Variants in CCDC178 observed in about 807,000 individuals in gnomAD.
The protein encoded by CCDC178 is coiled-coil domain-containing protein 178.
In CCDC178, 126 loss-of-function variants were observed where a neutral mutation model predicts 117.4. The observed-to-expected ratio is 1.07, with a 90% confidence interval of 0.93 to 1.24. The LOEUF is 1.24. Ranked by LOEUF, CCDC178 falls within the 50% of genes most tolerant of loss-of-function variation. The pLI is 0.00. For missense variants in CCDC178, 1,030 were observed against 986.9 expected (o/e 1.04, Z -0.59); for synonymous variants, 283 against 313.4 (o/e 0.90, Z 1.02).
rs571641076 is a variant in CCDC178 at position 33,130,450 on chromosome 18, T to C, written c.2239-37540A>G. Among the ~76,000 whole-genome samples, 12 of 152,110 alleles carry C rather than the reference T, an allele frequency of 7.9e-5. 1 individual carries two copies. In the South Asian group the frequency reaches 2.5e-3, roughly 32 times the overall value. On this transcript the variant is annotated intron_variant, in intron 20 of 22. Coordinates refer to ENST00000383096, the MANE Select transcript of CCDC178 (RefSeq NM_001105528.4). ...AACATTCACAAAAAATCCATGAGTA[T>C]GTAGTATTGTTGTAACTATTTTACA...
intron 6 of CCDC178, among the ~76,000 whole-genome samples, chr18:33,360,776 A>G (rs952288619): frequency 9.2e-5 from 14 of 151,640 alleles, no homozygotes; most frequent in Admixed American, 3.3e-4. Context: ...ATGCCTTGGA[A>G]TAAGTCTAAT....
intron 22 of CCDC178, among the ~76,000 whole-genome samples, chr18:32,942,776 T>A (rs1389414742): frequency 6.6e-6 from 1 of 152,182 alleles, no homozygotes; most frequent in South Asian, 2.1e-4. Context: ...TGCTTCGCAG[T>A]GCACTCTTGC....
intron 21 of CCDC178, among the ~76,000 whole-genome samples, chr18:33,002,731 G>A (rs1461230964): frequency 1.3e-5 from 2 of 149,056 alleles, no homozygotes; most frequent in East Asian, 1.9e-4. Context: ...GAAGGTCAGT[G>A]AAAAAAAAAG....
chr18:33,123,406 T>C (rs2057962554), intron 20 of CCDC178, among the ~76,000 whole-genome samples: 1 of 152,254 alleles, frequency 6.6e-6, no homozygotes, highest in African/African-American at 2.4e-5. Flanking sequence ...CCTTCAAATA[T>C]ACAAATTCAA....
At chr18:33,063,349 G>A (rs1167216701) in intron 21 of CCDC178, among the ~76,000 whole-genome samples, 2 of 152,104 alleles carry the variant, frequency 1.3e-5, no homozygotes, top group Non-Finnish European at 2.9e-5. Context: ...TACCTTCCAG[G>A]GGACTGAGGA....
intron 12 of CCDC178, among the ~76,000 whole-genome samples, chr18:33,281,271 A>C (rs1443704176): frequency 6.6e-6 from 1 of 152,042 alleles, no homozygotes; most frequent in East Asian, 1.9e-4. Flanking sequence ...CATTTCACTG[A>C]AATCAATTAT....
chr18:33,239,586 C>T (rs2059462746), intron 15 of CCDC178, among the ~76,000 whole-genome samples: 1 of 149,926 alleles, frequency 6.7e-6, no homozygotes, highest in Admixed American at 6.6e-5. Flanking sequence ...AATCAGACTT[C>T]AAATGAAAAA....
At chr18:32,967,240 C>T (rs1032735943) in intron 22 of CCDC178, among the ~76,000 whole-genome samples, 5 of 151,298 alleles carry the variant, frequency 3.3e-5, no homozygotes, top group South Asian at 2.1e-4. Flanking sequence ...ATATGTGATG[C>T]TCTTTTTTTT....
At chr18:33,328,083 ATTTTTTTTTTTT>A (rs771034112) in intron 10 of CCDC178, 6 of 100,686 alleles carry the variant, frequency 6.0e-5, no homozygotes, top group Non-Finnish European at 9.9e-5. Flanking sequence ...TTATCCCTAG[ATTTTTTTTTTTT>A]TTTTTTTTTT....
intron 20 of CCDC178, among the ~76,000 whole-genome samples, chr18:33,127,409 G>T (rs1472305755): frequency 1.3e-5 from 2 of 151,946 alleles, no homozygotes; most frequent in African/African-American, 4.8e-5. Flanking sequence ...CCCATAAATA[G>T]CTTCATATTT....
chr18:33,245,517 T>A, intron 14 of CCDC178, 89 bp from the exon 15 acceptor site: 1 of 1,227,258 alleles, frequency 8.1e-7, no homozygotes, highest in South Asian at 2.4e-5. Context: ...GATCATATTT[T>A]ATGTTGTCAA....
chr18:33,322,109 T>C (rs192283628), intron 11 of CCDC178, among the ~76,000 whole-genome samples: 26 of 151,960 alleles, frequency 1.7e-4, no homozygotes, highest in Non-Finnish European at 2.8e-4. Flanking sequence ...CCTGAGAATA[T>C]AGCCTCAAAA....
chr18:33,240,482 GA>G (rs1022497385), intron 15 of CCDC178, among the ~76,000 whole-genome samples: 4 of 150,940 alleles, frequency 2.7e-5, no homozygotes, highest in Non-Finnish European at 4.4e-5. Flanking sequence ...GCTAGACTAA[GA>G]AAAAAAGAGA....
chr18:33,006,599 G>GA (rs1489627071), intron 21 of CCDC178, among the ~76,000 whole-genome samples: 1 of 152,006 alleles, frequency 6.6e-6, no homozygotes, highest in Admixed American at 6.6e-5. Context: ...AATCCTTGTA[G>GA]AATCCCTTCT....
At chr18:33,016,208 GAAT>G (rs1319254576) in intron 21 of CCDC178, among the ~76,000 whole-genome samples, 1 of 151,958 alleles carries the variant, frequency 6.6e-6, no homozygotes, top group African/African-American at 2.4e-5. Flanking sequence ...ATGAAGGCCT[GAAT>G]AATGATATAT....
intron 21 of CCDC178, among the ~76,000 whole-genome samples, chr18:33,048,696 T>A (rs2056690303): frequency 6.6e-6 from 1 of 152,162 alleles, no homozygotes; most frequent in African/African-American, 2.4e-5. Context: ...TCTGTTTGTA[T>A]CTTAGGGGAA....
chr18:33,056,541 G>C (rs908229131), intron 21 of CCDC178, among the ~76,000 whole-genome samples: 2 of 151,996 alleles, frequency 1.3e-5, no homozygotes, highest in African/African-American at 2.4e-5. Context: ...TGGAAGATGG[G>C]GAAAATGGAA....
At chr18:32,967,544 C>T (rs2054840935) in intron 22 of CCDC178, among the ~76,000 whole-genome samples, 2 of 150,492 alleles carry the variant, frequency 1.3e-5, no homozygotes, top group South Asian at 4.2e-4. Context: ...GCTTGAAGTG[C>T]ATTTCTTCTA....
intron 21 of CCDC178, among the ~76,000 whole-genome samples, chr18:33,029,909 G>T (rs1348807802): frequency 1.3e-5 from 2 of 151,922 alleles, no homozygotes; most frequent in Non-Finnish European, 2.9e-5. Flanking sequence ...TTACACTGGA[G>T]AATATTCCAT....
Sources: gnomAD v4.1 joint callset for allele counts (sites outside exome capture counted in the v4.1 genomes callset) on GRCh38, gnomAD v4.1.1 for gene constraint, MANE v1.5 for transcripts, NCBI Gene and HGNC (gene_info 2026-07-23, HGNC 2026-07-21) for gene names.